PARP10: variants seen among roughly 807,000 people sequenced by gnomAD.
The protein encoded by PARP10 is protein mono-ADP-ribosyltransferase PARP10.
A neutral mutation model predicts 82.4 loss-of-function variants in PARP10; 56 were observed. The ratio of observed to expected loss-of-function variants is 0.68; its 90% CI spans 0.55 to 0.85. The LOEUF (loss-of-function observed/expected upper bound fraction) is 0.85. PARP10 is among the 40% of genes least tolerant of loss of function. PARP10 has a pLI of 0.00. For missense variants in PARP10, 1,227 were observed against 1,379.4 expected, an observed-to-expected ratio of 0.89 and a Z score of 1.75; for synonymous variants, 576 against 601.1, an observed-to-expected ratio of 0.96 and a Z score of 0.61.
rs1420249531 is a variant in PARP10 at position 143,985,260 on chromosome 8, C to T, written c.742G>A (p.Asp248Asn). Reference protein sequence around the residue: ...GSELSLVPHYDILEPEELAEN... With the variant: ...GSELSLVPHYNILEPEELAEN... ...GCCAGCTCCTCGGGCTCCAGGATGT[C>T]GTAGTGGGGGACAAGGCTCAGCTCT... The change falls in exon 5 of 11, where the codon GAC becomes AAC. Residue 248 changes from aspartate (D) to asparagine (N), a missense_variant. Physicochemically the swap from Asp to Asn is conservative, Grantham distance 23. Transcript: ENST00000313028. 9 of 1,613,906 alleles carry T rather than the reference C, an allele frequency of 5.6e-6. No homozygotes were observed. The highest frequency in any genetic ancestry group is 3.3e-4 in the Middle Eastern group (2 of 6,062).
chr8:144,002,258 A>G (rs952254706), intron 1 of PARP10, among the ~76,000 whole-genome samples: 2 of 152,208 alleles, frequency 1.3e-5, no homozygotes, highest in African/African-American at 4.8e-5. Context: ...TCCAATAAAA[A>G]TCACAATAGG....
At chr8:144,012,435 C>A in intron 1 of PARP10, 1 of 1,296,938 alleles carries the variant, frequency 7.7e-7, no homozygotes, top group Non-Finnish European at 1.1e-6. Context: ...CCTCCTTCAG[C>A]CCAGGCAAGG....
At chr8:143,996,317 AAAC>A (rs1834164810) in intron 1 of PARP10, among the ~76,000 whole-genome samples, 1 of 152,270 alleles carries the variant, frequency 6.6e-6, no homozygotes, top group Non-Finnish European at 1.5e-5. Flanking sequence ...TTTCAAGATT[AAAC>A]AACACAGACA....
At chr8:144,002,438 G>A (rs1179879553) in intron 1 of PARP10, among the ~76,000 whole-genome samples, 2 of 152,142 alleles carry the variant, frequency 1.3e-5, no homozygotes, top group Admixed American at 1.3e-4. Flanking sequence ...AATTGACATA[G>A]AAGAGTAAAA....
At chr8:143,988,140 T>A (rs1834025456), upstream of PARP10, among the ~76,000 whole-genome samples, 1 of 123,258 alleles carries the variant, frequency 8.1e-6, no homozygotes, top group African/African-American at 3.3e-5. Flanking sequence ...ATGATCTCCC[T>A]TACTCTGCCT....
intron 1 of PARP10, among the ~76,000 whole-genome samples, chr8:144,012,021 T>C (rs1163313094): frequency 6.6e-6 from 1 of 152,156 alleles, no homozygotes; most frequent in Admixed American, 6.5e-5. Context: ...ATATTTACTG[T>C]TTACCTACAA....
chr8:143,977,498 A>G lies in PARP10; in HGVS notation c.3064T>C (p.Ser1022Pro). The change falls in exon 11 of 11, where the codon TCC becomes CCC. Residue 1022 changes from serine to proline, a missense_variant. Ser to Pro is a moderately conservative substitution (Grantham distance 74). Coordinates refer to ENST00000313028, the MANE Select transcript of PARP10 (RefSeq NM_032789.5). ...GGCCCCTTCGGTTAAGTGTCTGGGG[A>G]GCGGCCCGGGAGCCCAGAGGGGTCG... ...PDDPSGLPGR[S>P]PDT 6.5e-7 allele frequency: 1 copy of G among 1,549,882 alleles called. No homozygotes were observed. The highest frequency in any genetic ancestry group is 8.7e-7 in the Non-Finnish European group (1 of 1,146,606).
chr8:143,991,999 C>T (rs1554750597), upstream of PARP10: 10 of 1,613,686 alleles, frequency 6.2e-6, no homozygotes, highest in East Asian at 1.6e-4. Context: ...GTCTCCTATG[C>T]TGTCTTCTTC....
intron 9 of PARP10, 33 bp from the exon 10 acceptor site, chr8:143,978,114 C>T: frequency 6.8e-7 from 1 of 1,462,274 alleles, no homozygotes; most frequent in Admixed American, 2.3e-5. Flanking sequence ...GATTAAACAC[C>T]CTCCCTACGC....
upstream of PARP10, chr8:143,990,081 C>T (rs1273157833): frequency 2.0e-5 from 3 of 151,480 alleles, no homozygotes; most frequent in African/African-American, 4.8e-5. This position sits in a 1 kb window ranked among gnomAD's most constrained non-coding sequence, Gnocchi z 5.6. Flanking sequence ...GTCTTCCGAG[C>T]CGCAGGCGCA....
In PARP10 at chr8:143,985,001, G is replaced by A; in HGVS notation, c.1001C>T (p.Ser334Phe). The A allele has an allele frequency of 6.2e-7, 1 of 1,613,932 alleles. No homozygotes were observed. The highest frequency in any genetic ancestry group is 8.5e-7 in the Non-Finnish European group (1 of 1,179,984). ...AGACCCCATGGGACCTGTCCTCAGA[G>A]AGGTCCCTGACTGCCCTGGTTCCTG... ...SGQEPGQSGT[S>F]LRTGPMGSLG... is the part of the protein sequence containing the mutation. Residue 334 changes from serine to phenylalanine, a missense_variant, in exon 5 of 11, where the codon TCT becomes TTT. Ser to Phe is a radical substitution (Grantham distance 155, BLOSUM62 -2). Transcript: ENST00000313028.
chr8:144,000,578 C>T (rs1181232349), intron 1 of PARP10, among the ~76,000 whole-genome samples: 6 of 152,018 alleles, frequency 3.9e-5, no homozygotes, highest in Admixed American at 6.6e-5. Context: ...TGCAGTGAGC[C>T]GAGATCACGC....
upstream of PARP10, chr8:143,989,913 C>A (rs1834060699): frequency 6.6e-6 from 1 of 152,236 alleles, no homozygotes; most frequent in African/African-American, 2.4e-5. This position sits in a 1 kb window ranked among gnomAD's most constrained non-coding sequence, Gnocchi z 4.3. Context: ...CCCCACCCCT[C>A]GGCAGACAGT....
chr8:144,001,336 C>A (rs1450907161), intron 1 of PARP10, among the ~76,000 whole-genome samples: 2 of 152,338 alleles, frequency 1.3e-5, no homozygotes, highest in African/African-American at 4.8e-5. Flanking sequence ...CAGAGACCCT[C>A]AGCCTCTCAA....
rs1564247548 is a variant in PARP10, at chr8:143,980,318, T to TAAAAAAA, written c.2557-2238_2557-2237insTTTTTTT. On this transcript the variant is annotated intron_variant, in intron 9 of 10. Transcript: ENST00000313028. ...CTGGGCTACTGAGTGAGATTCCGTC[T>TAAAAAAA]CAAAAAAAAAAAAAAAAAAAAAAAA... Among the ~76,000 whole-genome samples, 46 of 15,678 alleles carry TAAAAAAA rather than the reference T, an allele frequency of 2.9e-3. 2 individuals are homozygous for TAAAAAAA. The highest frequency in any genetic ancestry group is 6.1e-3 in the African/African-American group (44 of 7,190). The allele number at this position is 15,678 out of a possible 152,430, so 10.3% of individuals were successfully genotyped here. A position where few individuals can be genotyped will look rare whatever the true frequency, so the allele number is the denominator to read the frequency against.
At position 143,985,863 on chromosome 8, in the gene PARP10, AG is replaced by A; in HGVS notation, c.293del (p.Pro98LeufsTer144). 1.2e-6 allele frequency: 2 copies of A among 1,608,524 alleles called. No individual in the cohort carries two copies. Among genetic ancestry groups the A allele is most frequent in the Non-Finnish European group, 8.5e-7 (1 of 1,177,526 alleles). ...PARLLLQGLP[P>X]GTTPQRLEQH... ...GCTCCAAGCGCTGGGGCGTGGTGCC[AG>A]GGGGCAGTCCTTGGAGCAGCAGGCG... On this transcript the variant is annotated frameshift_variant, in exon 3 of 11. Coordinates refer to ENST00000313028, the MANE Select transcript of PARP10 (RefSeq NM_032789.5). LOFTEE classifies it high-confidence loss of function.
At chr8:143,992,317 A>G, upstream of PARP10, 1 of 1,587,812 alleles carries the variant, frequency 6.3e-7, no homozygotes, top group Non-Finnish European at 8.6e-7. Flanking sequence ...GGCAGTCATC[A>G]TGGCCGTGGG....
chr8:143,986,366 T>C lies in PARP10; in HGVS notation c.-7A>G. The C allele has an allele frequency of 1.2e-6, 2 of 1,614,120 alleles. No homozygotes were observed. The highest frequency in any genetic ancestry group is 1.7e-5 in the Admixed American group (1 of 60,018). On this transcript the variant is annotated 5_prime_UTR_variant, in exon 1 of 11. Transcript: ENST00000313028. ...CCACATACAGCACTTACATTCCCCG[T>C]GGCCGCTAGGCAGCCTCAGGCCATG...
Position 143,985,292 on chromosome 8 carries a change from T to A in PARP10, c.710A>T (p.Gln237Leu), listed in dbSNP as rs1554749011. The A allele has an allele frequency of 5.0e-6, 8 of 1,611,454 alleles. No homozygotes were observed. Among genetic ancestry groups the A allele is most frequent in the Non-Finnish European group, 6.8e-6 (8 of 1,178,652 alleles). ...GGGGACAAGGCTCAGCTCTGAGCCC[T>A]GCAACCGGTGCTCCTGCTGCAACAC... ...ERVLQQEHRL[Q>L]GSELSLVPHY... Residue 237 changes from glutamine to leucine, a missense_variant, in exon 5 of 11, where the codon CAG (glutamine) becomes CTG (leucine). By Grantham distance (113) the Gln-to-Leu change is moderately radical. Coordinates refer to ENST00000313028, the MANE Select transcript of PARP10 (RefSeq NM_032789.5).
Sources: allele counts gnomAD v4.1 joint callset (sites outside exome capture counted in the v4.1 genomes callset), GRCh38; gene constraint gnomAD v4.1.1; non-coding constraint Gnocchi (gnomAD v3.1); transcripts MANE v1.5; gene names NCBI Gene and HGNC (gene_info 2026-07-23, HGNC 2026-07-21).